The following HPSE2 variants were observed in gnomAD, a reference collection of about 807,000 sequenced individuals.
The protein encoded by HPSE2 is heparanase 2 (inactive).
In HPSE2, 38 loss-of-function variants were observed where a neutral mutation model predicts 60.5. The observed-to-expected ratio is 0.63, with a 90% CI of 0.48 to 0.82. The LOEUF (loss-of-function observed/expected upper bound fraction) is 0.82, where lower values mean the gene tolerates loss of function less well. Among genes scored for constraint, HPSE2 ranks in the 40% least tolerant of loss-of-function variants. The probability of loss-of-function intolerance (pLI) is 0.00; values close to 1 mark genes in which losing one functional copy is unlikely to be tolerated. For synonymous variants in HPSE2, 295 were observed against 293.2 expected, an observed-to-expected ratio of 1.01 and a Z score of -0.06; for missense variants, 713 against 740.4, an observed-to-expected ratio of 0.96 and a Z score of 0.43.
At chr10:98,723,788 T>C (rs1317508323) in intron 4 of HPSE2, among the ~76,000 whole-genome samples, 1 of 152,228 alleles carries the variant, frequency 6.6e-6, no homozygotes, top group Admixed American at 6.5e-5. Flanking sequence ...ATAGTTTGTA[T>C]GTCTGTGGGA....
intron 3 of HPSE2, among the ~76,000 whole-genome samples, chr10:98,992,732 C>T (rs1430170476): frequency 6.6e-6 from 1 of 152,172 alleles, no homozygotes. Context: ...TCTTTCTTCC[C>T]TACAAGTATT....
intron 6 of HPSE2, among the ~76,000 whole-genome samples, chr10:98,690,958 A>T (rs1948063091): frequency 6.6e-6 from 1 of 152,234 alleles, no homozygotes; most frequent in Non-Finnish European, 1.5e-5. Flanking sequence ...CTCCAAGCTC[A>T]ACATCCCAAT....
chr10:98,807,335 C>T (rs1185424423), intron 3 of HPSE2, among the ~76,000 whole-genome samples: 1 of 152,158 alleles, frequency 6.6e-6, no homozygotes, highest in Non-Finnish European at 1.5e-5. Flanking sequence ...TCTTAAACTT[C>T]CATCCACTTC....
At chr10:99,154,120 G>T (rs1277657234) in intron 2 of HPSE2, among the ~76,000 whole-genome samples, 2 of 146,740 alleles carry the variant, frequency 1.4e-5, no homozygotes, top group African/African-American at 4.9e-5. Flanking sequence ...CCAAATCTAC[G>T]TCTGATTGGT....
rs943594263 is a variant in HPSE2 at position 99,126,285 on chromosome 10, C to T, written c.610+17953G>A. On this transcript the variant is annotated intron_variant, in intron 3 of 11. Transcript: ENST00000370552. This position sits in a 1 kb window ranked among gnomAD's most constrained non-coding sequence, Gnocchi z 4.0. ...TGGCCTGAGAACCACAACCAATCCC[C>T]CACAGTGGCCGCAGCAAGCCTTGCC... Among the ~76,000 whole-genome samples, 1 of 152,144 alleles carries T rather than the reference C, an allele frequency of 6.6e-6. No individual in the cohort carries two copies. The highest frequency in any genetic ancestry group is 1.5e-5 in the Non-Finnish European group (1 of 68,024).
chr10:98,836,899 C>T (rs987426925), intron 3 of HPSE2, among the ~76,000 whole-genome samples: 2 of 152,014 alleles, frequency 1.3e-5, no homozygotes, highest in Admixed American at 1.3e-4. Context: ...ATTAGCTGGG[C>T]ATGGTGGCGT....
rs144345615 is a variant in HPSE2 at position 99,132,595 on chromosome 10, A to C, written c.610+11643T>G. Among the ~76,000 whole-genome samples the C allele has an allele frequency of 4.5e-3, 692 of 152,178 alleles. 3 individuals carry two copies. Among genetic ancestry groups the C allele is most frequent in the African/African-American group, 0.016 (662 of 41,544 alleles). ...TAGTAGGTGCAGCCCATGGAGAGCA[A>C]GACGAAGGAGGGTGGGGTGTCGCCT... On this transcript the variant is annotated intron_variant, in intron 3 of 11. Transcript: ENST00000370552.
chr10:99,015,933 G>A (rs1010866612), intron 3 of HPSE2, among the ~76,000 whole-genome samples: 7 of 151,964 alleles, frequency 4.6e-5, no homozygotes, highest in African/African-American at 1.7e-4. Context: ...TGTAGATGCT[G>A]GATAGTTGAC....
At chr10:99,047,953 C>T in intron 3 of HPSE2, 1 of 737,218 alleles carries the variant, frequency 1.4e-6, no homozygotes. Flanking sequence ...GCCCAAAGGT[C>T]CGAAAGATGT....
At chr10:98,846,113 G>A (rs1266061495) in intron 3 of HPSE2, among the ~76,000 whole-genome samples, 1 of 152,028 alleles carries the variant, frequency 6.6e-6, no homozygotes, top group Non-Finnish European at 1.5e-5. Context: ...ATTCTTCAGG[G>A]GAATATGATA....
At chr10:99,009,930 T>G (rs947397230) in intron 3 of HPSE2, among the ~76,000 whole-genome samples, 2 of 152,204 alleles carry the variant, frequency 1.3e-5, no homozygotes, top group African/African-American at 2.4e-5. Flanking sequence ...TAAATTTAGT[T>G]TCATAAAAAC....
intron 3 of HPSE2, among the ~76,000 whole-genome samples, chr10:99,032,799 C>T (rs1269590746): frequency 2.6e-5 from 4 of 152,172 alleles, no homozygotes; most frequent in Non-Finnish European, 5.9e-5. Flanking sequence ...CTCCTTGGCT[C>T]ATAAGCCACT....
intron 3 of HPSE2, among the ~76,000 whole-genome samples, chr10:98,987,176 C>A (rs1956383703): frequency 2.0e-5 from 3 of 151,960 alleles, no homozygotes; most frequent in African/African-American, 7.2e-5. Flanking sequence ...CAAAGCCTGG[C>A]AGAGAGACAA....
intron 5 of HPSE2, among the ~76,000 whole-genome samples, chr10:98,701,915 A>T (rs893084214): frequency 2.0e-5 from 3 of 152,184 alleles, no homozygotes; most frequent in African/African-American, 7.2e-5. Context: ...GTGCAAAATA[A>T]CCAGATAGCA....
intron 3 of HPSE2, chr10:99,048,007 G>A (rs560494926): frequency 4.7e-5 from 33 of 695,006 alleles, no homozygotes; most frequent in Middle Eastern, 3.8e-4. Context: ...AAACCTTTGC[G>A]AAGCTCAACA....
intron 11 of HPSE2, among the ~76,000 whole-genome samples, chr10:98,470,039 T>A (rs921562004): frequency 6.6e-6 from 1 of 152,150 alleles, no homozygotes; most frequent in Non-Finnish European, 1.5e-5. Flanking sequence ...GGAGAGAATG[T>A]GGGGCTACAA....
chr10:98,946,625 T>A (rs1040148750), intron 3 of HPSE2, among the ~76,000 whole-genome samples: 6 of 151,964 alleles, frequency 3.9e-5, no homozygotes, highest in Non-Finnish European at 8.8e-5. Flanking sequence ...ATCCTAAAAT[T>A]AAAAGTTAAT....
Position 98,941,078 on chromosome 10 carries a change from T to C in HPSE2, c.611-197022A>G, listed in dbSNP as rs1315345296. On this transcript the variant is annotated intron_variant, in intron 3 of 11. Coordinates refer to ENST00000370552, the MANE Select transcript of HPSE2 (RefSeq NM_021828.5). ...CAATAAATTAGGTATTGATGGGACG[T>C]ATCTCAAAAGAATAAGAGCTATCTA... 3.2e-4 allele frequency among the ~76,000 whole-genome samples: 46 copies of C among 141,658 alleles called. 3 individuals are homozygous for C. 92.9% of individuals were successfully genotyped at this position (141,658 alleles called of 152,430 possible).
chr10:99,229,990 T>C (rs903300755), intron 2 of HPSE2, among the ~76,000 whole-genome samples: 2 of 152,164 alleles, frequency 1.3e-5, no homozygotes, highest in Non-Finnish European at 2.9e-5. Context: ...AAAGACAGTA[T>C]GGGTAATTTA....
Sources: allele counts gnomAD v4.1 joint callset (sites outside exome capture counted in the v4.1 genomes callset), GRCh38; gene constraint gnomAD v4.1.1; non-coding constraint Gnocchi (gnomAD v3.1); transcripts MANE v1.5; gene names NCBI Gene and HGNC (gene_info 2026-07-23, HGNC 2026-07-21).